MAN1A1: variants seen among roughly 807,000 people sequenced by gnomAD.
MAN1A1 encodes the protein mannosidase alpha class 1A member 1.
In MAN1A1, 29 loss-of-function variants were observed where a neutral mutation model predicts 70.8. The observed-to-expected ratio is 0.41, with a 90% CI of 0.31 to 0.56. The LOEUF (loss-of-function observed/expected upper bound fraction) is 0.56, where lower values mean the gene tolerates loss of function less well. Ranked by LOEUF, MAN1A1 falls within the 20% of genes least tolerant of loss-of-function variation. The pLI, the probability that MAN1A1 is intolerant of heterozygous loss-of-function variation, is 0.29. For missense variants in MAN1A1, 747 were observed against 841.3 expected, an observed-to-expected ratio of 0.89 and a Z score of 1.39; for synonymous variants, 349 against 330.1, an observed-to-expected ratio of 1.06 and a Z score of -0.62.
intron 6 of MAN1A1, among the ~76,000 whole-genome samples, chr6:119,239,120 C>T (rs545519478): frequency 2.0e-4 from 30 of 152,096 alleles, no homozygotes; most frequent in Admixed American, 7.9e-4. Flanking sequence ...CCTCGTGATC[C>T]GCCCGCCTCA....
chr6:119,232,631 CAGATT>C (rs1774715567), intron 6 of MAN1A1, among the ~76,000 whole-genome samples: 1 of 151,184 alleles, frequency 6.6e-6, no homozygotes, highest in Admixed American at 6.6e-5. Flanking sequence ...ATGCTTGTAC[CAGATT>C]AGATTAAATC....
At position 119,302,198 on chromosome 6, in the gene MAN1A1, A is replaced by G. The variant is rs964534382; in HGVS notation, c.701-95T>C. 20 of 595,372 alleles carry G rather than the reference A, an allele frequency of 3.4e-5. No homozygotes were observed. In the African/African-American group the frequency reaches 3.5e-4, roughly 11 times the overall value. 36.9% of individuals were successfully genotyped at this position (595,372 alleles called of 1,614,324 possible). Reference sequence around the variant, plus strand: ...TAAGAAAGGGAGAGGGTAATGCTGGATTTATTAATAAGCAATAATATTAAA... The same window carrying G: ...TAAGAAAGGGAGAGGGTAATGCTGGGTTTATTAATAAGCAATAATATTAAA... On this transcript the variant is annotated intron_variant, in intron 3 of 12. Coordinates refer to ENST00000368468, the MANE Select transcript of MAN1A1 (RefSeq NM_005907.4).
At chr6:119,335,401 G>A (rs545950031) in intron 2 of MAN1A1, among the ~76,000 whole-genome samples, 2 of 152,306 alleles carry the variant, frequency 1.3e-5, no homozygotes, top group African/African-American at 4.8e-5. Flanking sequence ...TTTCAAAGGC[G>A]TGGAAAGGGA....
chr6:119,222,171 A>AT (rs1302275905), intron 6 of MAN1A1, among the ~76,000 whole-genome samples: 1 of 152,130 alleles, frequency 6.6e-6, no homozygotes, highest in African/African-American at 2.4e-5. Flanking sequence ...TCCAGAGTTC[A>AT]TTTTTGCTAC....
At chr6:119,272,557 T>C (rs1582755281) in intron 5 of MAN1A1, among the ~76,000 whole-genome samples, 1 of 152,180 alleles carries the variant, frequency 6.6e-6, no homozygotes, top group East Asian at 1.9e-4. Context: ...GTAATAAATA[T>C]AAACTTTATT....
At chr6:119,270,795 C>A (rs1277152903) in intron 5 of MAN1A1, among the ~76,000 whole-genome samples, 5 of 152,120 alleles carry the variant, frequency 3.3e-5, no homozygotes, top group Non-Finnish European at 5.9e-5. Context: ...TTGAGTTGGT[C>A]ATTAAAATGA....
intron 6 of MAN1A1, among the ~76,000 whole-genome samples, chr6:119,217,334 T>G (rs918913454): frequency 1.1e-4 from 17 of 152,156 alleles, no homozygotes; most frequent in African/African-American, 3.4e-4. Flanking sequence ...CAGGCTGGAG[T>G]GCAGTGGCCC....
At chr6:119,305,479 C>CT (rs137885378) in intron 3 of MAN1A1, among the ~76,000 whole-genome samples, 57,393 of 151,860 alleles carry the variant, frequency 0.38, 11,312 homozygotes, top group Non-Finnish European at 0.41. Context: ...CCCATGTTAA[C>CT]TGGTAGCTGG....
chr6:119,267,836 C>T (rs1775801648), intron 5 of MAN1A1, among the ~76,000 whole-genome samples: 1 of 152,206 alleles, frequency 6.6e-6, no homozygotes, highest in Non-Finnish European at 1.5e-5. Context: ...AAACCACAGG[C>T]ATCTCATTTT....
At chr6:119,321,761 G>C (rs953303440) in intron 2 of MAN1A1, among the ~76,000 whole-genome samples, 1 of 151,918 alleles carries the variant, frequency 6.6e-6, no homozygotes, top group Non-Finnish European at 1.5e-5. Context: ...GGGACTACAG[G>C]CATGTACCAC....
At chr6:119,274,470 T>C (rs898023415) in intron 5 of MAN1A1, among the ~76,000 whole-genome samples, 4 of 152,200 alleles carry the variant, frequency 2.6e-5, no homozygotes, top group Admixed American at 2.6e-4. Flanking sequence ...TTTATGTCTG[T>C]TGATAAAGCC....
intron 6 of MAN1A1, among the ~76,000 whole-genome samples, chr6:119,217,120 T>C (rs887592909): frequency 5.3e-5 from 8 of 152,212 alleles, no homozygotes; most frequent in Non-Finnish European, 1.2e-4. Context: ...ACACATTCCC[T>C]CTTAATGGGC....
At chr6:119,275,976 T>C (rs550020996) in intron 5 of MAN1A1, among the ~76,000 whole-genome samples, 1 of 152,294 alleles carries the variant, frequency 6.6e-6, no homozygotes, top group South Asian at 2.1e-4. Context: ...GATGACGTAA[T>C]TACCCCAGTA....
intron 6 of MAN1A1, among the ~76,000 whole-genome samples, chr6:119,231,363 T>G (rs1176741865): frequency 6.6e-6 from 1 of 152,170 alleles, no homozygotes; most frequent in Non-Finnish European, 1.5e-5. Context: ...CTGCTGCCAC[T>G]CACTCCGTCC....
intron 11 of MAN1A1, among the ~76,000 whole-genome samples, chr6:119,184,405 A>T (rs1468441499): frequency 3.3e-5 from 5 of 152,204 alleles, no homozygotes; most frequent in Non-Finnish European, 5.9e-5. Flanking sequence ...ATCATGAGTT[A>T]AATCCTAAGT....
rs1432016756 is a variant in MAN1A1 at position 119,308,059 on chromosome 6, G to T, written c.604-1067C>A. 9.9e-5 allele frequency among the ~76,000 whole-genome samples: 15 copies of T among 152,278 alleles called. No homozygotes were observed. In the East Asian group the frequency reaches 2.9e-3, roughly 29 times the overall value. On this transcript the variant is annotated intron_variant, in intron 2 of 12. Coordinates refer to ENST00000368468, the MANE Select transcript of MAN1A1 (RefSeq NM_005907.4). ...ACCAAGAATCAGTACTATCTGCTAA[G>T]TACTCTGCTAAATGCTATAACTTTA...
intron 6 of MAN1A1, among the ~76,000 whole-genome samples, chr6:119,220,503 T>C (rs908263379): frequency 6.6e-6 from 1 of 152,188 alleles, no homozygotes; most frequent in Non-Finnish European, 1.5e-5. Flanking sequence ...TTCATACTTA[T>C]TGGTAATCCA....
intron 4 of MAN1A1, among the ~76,000 whole-genome samples, chr6:119,300,590 G>C (rs533500628): frequency 6.6e-6 from 1 of 152,216 alleles, no homozygotes; most frequent in East Asian, 1.9e-4. Flanking sequence ...CCTCCAAAAT[G>C]AAACCGTTTT....
At chr6:119,200,325 G>A (rs1186829106) in intron 8 of MAN1A1, among the ~76,000 whole-genome samples, 1 of 152,112 alleles carries the variant, frequency 6.6e-6, no homozygotes, top group Non-Finnish European at 1.5e-5. Flanking sequence ...CCACACTTAG[G>A]TAAGTGGTAA....
Sources: gnomAD v4.1 joint callset for allele counts (sites outside exome capture counted in the v4.1 genomes callset) on GRCh38, gnomAD v4.1.1 for gene constraint, MANE v1.5 for transcripts, NCBI Gene and HGNC (gene_info 2026-07-23, HGNC 2026-07-21) for gene names.